The following TOX variants were observed in gnomAD, a reference collection of about 807,000 sequenced individuals.
TOX encodes the protein thymocyte selection associated high mobility group box, also known as thymocyte selection-associated high mobility group box protein TOX.
A neutral mutation model predicts 53.7 loss-of-function variants in TOX; 11 were observed. The observed-to-expected ratio is 0.20, with a 90% confidence interval of 0.13 to 0.34. TOX has a LOEUF of 0.34. TOX is among the 10% of genes least tolerant of loss of function. The pLI is 1.00. For synonymous variants in TOX, 225 were observed against 245.3 expected, an observed-to-expected ratio of 0.92 and a Z score of 0.77; for missense variants, 570 against 664.6, an observed-to-expected ratio of 0.86 and a Z score of 1.56.
chr8:58,940,585 C>G (rs1275296266), intron 2 of TOX, among the ~76,000 whole-genome samples: 1 of 152,148 alleles, frequency 6.6e-6, no homozygotes, highest in Non-Finnish European at 1.5e-5. Context: ...AGATAATTCT[C>G]GCAAGCTTAT....
intron 1 of TOX, among the ~76,000 whole-genome samples, chr8:59,066,582 C>T (rs1195513383): frequency 2.0e-5 from 3 of 152,162 alleles, no homozygotes; most frequent in Admixed American, 6.5e-5. Context: ...CCCTCTGTCA[C>T]TCAAATTATG....
At chr8:59,066,481 G>A (rs1251201674) in intron 1 of TOX, among the ~76,000 whole-genome samples, 1 of 152,032 alleles carries the variant, frequency 6.6e-6, no homozygotes, top group Non-Finnish European at 1.5e-5. Context: ...TCCAATAACA[G>A]ATAGAAGTCA....
Position 59,014,345 on chromosome 8 carries a change from C to T in TOX, c.103-54337G>A, listed in dbSNP as rs995304406. On this transcript the variant is annotated intron_variant, in intron 1 of 8. Transcript: ENST00000361421. ...AATGGGTTCACATTGGACGCCTCCTCGTAAAATTACCAAATTCTCTTTATC... is the reference window on the plus strand; with the variant it reads ...AATGGGTTCACATTGGACGCCTCCTTGTAAAATTACCAAATTCTCTTTATC... Among the ~76,000 whole-genome samples the T allele has an allele frequency of 7.9e-5, 12 of 152,316 alleles. No individual in the cohort carries two copies. The East Asian group carries it at 1.2e-3, about 15-fold the overall frequency.
chr8:59,081,327 A>G (rs111426803), intron 1 of TOX, among the ~76,000 whole-genome samples: 5,401 of 152,154 alleles, frequency 0.035, 300 homozygotes, highest in African/African-American at 0.12. Context: ...GTGCCGGGCC[A>G]GGGAAGGTGT....
Position 58,826,881 on chromosome 8 carries a change from C to A in TOX, c.946G>T (p.Ala316Ser). 1 of 1,611,710 alleles carries A rather than the reference C, an allele frequency of 6.2e-7. No individual in the cohort carries two copies. The highest frequency in any genetic ancestry group is 8.5e-7 in the Non-Finnish European group (1 of 1,179,020). ...TGCTTCAGGTACTCCTTCTTCGCAGCCTCGGTTTTCTTTTTATAGACCTGC... is the reference window on the plus strand; with the variant it reads ...TGCTTCAGGTACTCCTTCTTCGCAGACTCGGTTTTCTTTTTATAGACCTGC... Reference protein sequence around the residue: ...QKQVYKKKTEAAKKEYLKQLA... With the variant: ...QKQVYKKKTESAKKEYLKQLA... Residue 316 changes from alanine (A) to serine (S), a missense_variant, in exon 6 of 9, where the codon GCT (alanine) becomes TCT (serine). By Grantham distance (99) the Ala-to-Ser change is moderately conservative (BLOSUM62 1). Around this residue, in one of 3 missense-constraint regions of TOX, gnomAD observed 49 missense variants for 98.9 expected, o/e 0.50. Transcript: ENST00000361421.
At chr8:59,024,808 C>T (rs57765546) in intron 1 of TOX, among the ~76,000 whole-genome samples, 40,761 of 151,826 alleles carry the variant, frequency 0.27, 5,675 homozygotes, top group Non-Finnish European at 0.32. Context: ...TTATCCCATA[C>T]AATTTACAGT....
chr8:58,820,327 G>A (rs565741406), intron 6 of TOX, among the ~76,000 whole-genome samples: 1 of 151,238 alleles, frequency 6.6e-6, no homozygotes, highest in African/African-American at 2.4e-5. Flanking sequence ...AGCACTTCAT[G>A]AACTATTCCT....
At chr8:59,108,225 A>C (rs1357687389) in intron 1 of TOX, among the ~76,000 whole-genome samples, 1 of 152,152 alleles carries the variant, frequency 6.6e-6, no homozygotes, top group African/African-American at 2.4e-5. Context: ...TTCCTTTTTC[A>C]CAAGCAGGCA....
intron 2 of TOX, among the ~76,000 whole-genome samples, chr8:58,945,936 A>C (rs1175793098): frequency 6.6e-6 from 1 of 151,878 alleles, no homozygotes; most frequent in African/African-American, 2.4e-5. Context: ...GGTGACAAGA[A>C]GTCCCATAAC....
intron 1 of TOX, among the ~76,000 whole-genome samples, chr8:59,096,833 C>G (rs907060814): frequency 3.9e-5 from 6 of 152,144 alleles, no homozygotes; most frequent in African/African-American, 1.2e-4. Flanking sequence ...ATCTCCTGTT[C>G]TTTCCGATTC....
intron 2 of TOX, among the ~76,000 whole-genome samples, chr8:58,942,537 A>T (rs569018024): frequency 6.6e-6 from 1 of 152,254 alleles, no homozygotes; most frequent in East Asian, 1.9e-4. Context: ...ATGCCATATA[A>T]AAGTATAGTG....
chr8:58,957,451 T>C (rs977273781), intron 2 of TOX, among the ~76,000 whole-genome samples: 6 of 152,234 alleles, frequency 3.9e-5, no homozygotes, highest in African/African-American at 7.2e-5. Context: ...AGGATTTGTA[T>C]ACTCTAGCTT....
chr8:59,081,815 A>G (rs1804413639), intron 1 of TOX, among the ~76,000 whole-genome samples: 2 of 152,206 alleles, frequency 1.3e-5, no homozygotes, highest in South Asian at 4.1e-4. Context: ...TTTAAAAGCC[A>G]TAGATAACTG....
At chr8:59,078,219 T>A (rs1488962245) in intron 1 of TOX, among the ~76,000 whole-genome samples, 2 of 152,196 alleles carry the variant, frequency 1.3e-5, no homozygotes, top group African/African-American at 4.8e-5. Context: ...TCACTGTCTC[T>A]GCAGTCCTGT....
At chr8:58,866,199 C>T (rs1415443223) in intron 3 of TOX, among the ~76,000 whole-genome samples, 1 of 152,124 alleles carries the variant, frequency 6.6e-6, no homozygotes, top group African/African-American at 2.4e-5. Context: ...ACTAACAGAA[C>T]CACTTAAACA....
intron 2 of TOX, among the ~76,000 whole-genome samples, chr8:58,939,984 C>A (rs542510093): frequency 6.6e-6 from 1 of 152,134 alleles, no homozygotes; most frequent in Admixed American, 6.5e-5. Context: ...TGGGCAATTG[C>A]TTTTGGGTTT....
chr8:58,856,027 T>G lies in TOX; in HGVS notation c.412-4222A>C, dbSNP rs966478617. 5.3e-5 allele frequency among the ~76,000 whole-genome samples: 8 copies of G among 152,228 alleles called. 1 individual carries two copies. Among genetic ancestry groups the G allele is most frequent in the Non-Finnish European group, 1.0e-4 (7 of 68,046 alleles). On this transcript the variant is annotated intron_variant, in intron 3 of 8. Coordinates refer to ENST00000361421, the MANE Select transcript of TOX (RefSeq NM_014729.3). ...GGGAGCCATGTAGGAATAGCTGCTT[T>G]GCAAAAGCCCACAGAGAGGTTAAAT...
intron 1 of TOX, among the ~76,000 whole-genome samples, chr8:59,090,076 C>T (rs1273127013): frequency 2.6e-5 from 4 of 152,186 alleles, no homozygotes; most frequent in Non-Finnish European, 4.4e-5. Context: ...CTGTGTTCTA[C>T]TGGATTACAC....
chr8:58,987,522 G>C (rs184430475), intron 1 of TOX, among the ~76,000 whole-genome samples: 10 of 152,322 alleles, frequency 6.6e-5, no homozygotes, highest in Non-Finnish European at 1.5e-4. Flanking sequence ...CCGATGAAGA[G>C]TGAAAAAGTA....
Sources: allele counts gnomAD v4.1 joint callset (sites outside exome capture counted in the v4.1 genomes callset), GRCh38; gene constraint gnomAD v4.1.1; regional missense constraint gnomAD v4.1.1; transcripts MANE v1.5; gene names NCBI Gene and HGNC (gene_info 2026-07-23, HGNC 2026-07-21).